Variants in MYO5B observed in about 807,000 individuals in gnomAD.
MYO5B encodes myosin VB.
Under a neutral mutation model 229.3 loss-of-function variants are expected in MYO5B, and 143 were observed. The ratio of observed to expected loss-of-function variants is 0.62; its 90% CI spans 0.54 to 0.72. MYO5B has a LOEUF of 0.72. Ranked by LOEUF, MYO5B falls within the 30% of genes least tolerant of loss-of-function variation. The pLI, the probability that MYO5B is intolerant of heterozygous loss-of-function variation, is 0.00. For missense variants in MYO5B, 2,321 were observed against 2,331.0 expected, an observed-to-expected ratio of 1.00 and a Z score of 0.09; for synonymous variants, 918 against 885.2, an observed-to-expected ratio of 1.04 and a Z score of -0.66.
chr18:50,155,594 T>A (rs1221308813), intron 1 of MYO5B, among the ~76,000 whole-genome samples: 1 of 152,208 alleles, frequency 6.6e-6, no homozygotes, highest in African/African-American at 2.4e-5. Flanking sequence ...AGAAGAGTCA[T>A]TAAATTGTTT....
intron 1 of MYO5B, among the ~76,000 whole-genome samples, chr18:50,143,959 C>T (rs189222054): frequency 1.3e-3 from 203 of 152,244 alleles, no homozygotes; most frequent in African/African-American, 4.3e-3. Context: ...ATCATCTAGC[C>T]GGACAGAATG....
At chr18:49,877,440 G>A (rs187287894) in intron 25 of MYO5B, among the ~76,000 whole-genome samples, 98 of 152,296 alleles carry the variant, frequency 6.4e-4, no homozygotes, top group African/African-American at 2.2e-3. Flanking sequence ...TAATGACTTA[G>A]CTGTTCCTTC....
At chr18:50,026,906 C>T (rs1160060218) in intron 4 of MYO5B, among the ~76,000 whole-genome samples, 1 of 152,198 alleles carries the variant, frequency 6.6e-6, no homozygotes, top group African/African-American at 2.4e-5. Context: ...TGCTCAGGGC[C>T]ACACAGCTAC....
At chr18:50,141,600 C>T (rs931616152) in intron 1 of MYO5B, among the ~76,000 whole-genome samples, 5 of 152,192 alleles carry the variant, frequency 3.3e-5, no homozygotes, top group East Asian at 1.9e-4. Flanking sequence ...TCTGATATGG[C>T]CATACCCTAC....
intron 1 of MYO5B, among the ~76,000 whole-genome samples, chr18:50,159,489 A>T (rs1027011732): frequency 6.6e-6 from 1 of 152,086 alleles, no homozygotes; most frequent in African/African-American, 2.4e-5. Context: ...CGTTAGTGAC[A>T]TTCAGTCACC....
chr18:49,856,716 G>A (rs952586616), intron 30 of MYO5B, 97 bp downstream of exon 30: 11 of 1,011,908 alleles, frequency 1.1e-5, no homozygotes, highest in Middle Eastern at 2.2e-4. Flanking sequence ...ACTGTTCCCC[G>A]TGCTCTCGCA....
Position 50,131,452 on chromosome 18 carries a change from AT to A in MYO5B, c.27+63314del, listed in dbSNP as rs546064395. Among the ~76,000 whole-genome samples the A allele has an allele frequency of 4.3e-3, 657 of 152,292 alleles. 4 individuals carry two copies. The highest frequency in any genetic ancestry group is 7.0e-3 in the Non-Finnish European group (479 of 68,026). On this transcript the variant is annotated intron_variant, in intron 1 of 39. Coordinates refer to ENST00000285039, the MANE Select transcript of MYO5B (RefSeq NM_001080467.3). ...ATCCAAAGTTAGAGTCCAAGGAAAA[AT>A]AATAGGTACTGAGCCCACTCCCTCA...
intron 1 of MYO5B, among the ~76,000 whole-genome samples, chr18:50,182,134 C>T (rs2033081768): frequency 6.6e-6 from 1 of 152,148 alleles, no homozygotes; most frequent in Admixed American, 6.5e-5. Context: ...ACCTTTGTTG[C>T]CTGCGTGATG....
intron 26 of MYO5B, among the ~76,000 whole-genome samples, chr18:49,873,678 T>A (rs1319018839): frequency 6.6e-6 from 1 of 152,204 alleles, no homozygotes; most frequent in South Asian, 2.1e-4. Flanking sequence ...GTACATTACA[T>A]TCTCAGAAAG....
intron 22 of MYO5B, among the ~76,000 whole-genome samples, chr18:49,894,343 G>T (rs2024752693): frequency 6.6e-6 from 1 of 152,182 alleles, no homozygotes; most frequent in African/African-American, 2.4e-5. Context: ...GGGGTCTCCA[G>T]GGGCCCTTGG....
chr18:49,953,364 G>A, intron 13 of MYO5B, 21 bp from the exon 14 acceptor site: 2 of 1,607,584 alleles, frequency 1.2e-6, no homozygotes, highest in South Asian at 2.2e-5. Context: ...AGCAACCAGA[G>A]AGAGACACAG....
intron 29 of MYO5B, among the ~76,000 whole-genome samples, chr18:49,860,324 TC>T (rs954647939): frequency 9.2e-5 from 14 of 152,150 alleles, no homozygotes; most frequent in Non-Finnish European, 2.1e-4. Flanking sequence ...CACTTCCCCA[TC>T]CTTCTCCCAT....
chr18:50,117,412 A>G (rs1362174706), intron 1 of MYO5B, among the ~76,000 whole-genome samples: 1 of 152,200 alleles, frequency 6.6e-6, no homozygotes, highest in East Asian at 1.9e-4. Flanking sequence ...CCCCATGAAC[A>G]GATGAGGGAC....
intron 1 of MYO5B, among the ~76,000 whole-genome samples, chr18:50,088,952 A>G (rs1400231407): frequency 6.6e-6 from 1 of 152,174 alleles, no homozygotes; most frequent in Non-Finnish European, 1.5e-5. Context: ...AGACTTGTGA[A>G]TATCATCTAA....
At chr18:50,146,682 GA>G (rs1176588160) in intron 1 of MYO5B, among the ~76,000 whole-genome samples, 1 of 152,226 alleles carries the variant, frequency 6.6e-6, no homozygotes, top group Non-Finnish European at 1.5e-5. Context: ...TATTACATCT[GA>G]ATTAACCCAG....
chr18:50,141,708 C>A (rs1392890046), intron 1 of MYO5B, among the ~76,000 whole-genome samples: 1 of 152,166 alleles, frequency 6.6e-6, no homozygotes, highest in South Asian at 2.1e-4. Flanking sequence ...ATAACAAAGG[C>A]AAGACCCCTT....
intron 1 of MYO5B, among the ~76,000 whole-genome samples, chr18:50,099,991 A>T (rs116925423): frequency 0.029 from 4,385 of 152,304 alleles, 80 homozygotes; most frequent in Non-Finnish European, 0.045. Context: ...AGTGTCCTAA[A>T]GCAACCTTCA....
At chr18:49,950,819 A>G (rs568781108) in intron 14 of MYO5B, among the ~76,000 whole-genome samples, 199 of 152,324 alleles carry the variant, frequency 1.3e-3, no homozygotes, top group Middle Eastern at 3.4e-3. Context: ...ATATTCTTGT[A>G]TAGAAAAGAG....
chr18:50,133,594 G>A (rs907258526), intron 1 of MYO5B, among the ~76,000 whole-genome samples: 2 of 152,174 alleles, frequency 1.3e-5, no homozygotes, highest in Non-Finnish European at 2.9e-5. Flanking sequence ...CCGTCCGTCC[G>A]TCTGTCTGTC....
Sources: gnomAD v4.1 joint callset for allele counts (sites outside exome capture counted in the v4.1 genomes callset) on GRCh38, gnomAD v4.1.1 for gene constraint, MANE v1.5 for transcripts, NCBI Gene and HGNC (gene_info 2026-07-23, HGNC 2026-07-21) for gene names.